DNAI7: variants seen among roughly 807,000 people sequenced by gnomAD.
The protein encoded by DNAI7 is cancer susceptibility 1.
DNAI7 carries 78 observed loss-of-function variants against 86.6 expected under a neutral mutation model. The ratio of observed to expected loss-of-function variants is 0.90; its 90% CI spans 0.75 to 1.09. The LOEUF is 1.09. DNAI7 is among the 50% of genes least tolerant of loss of function. The probability of loss-of-function intolerance (pLI) is 0.00; values close to 1 mark genes in which losing one functional copy is unlikely to be tolerated. For synonymous variants in DNAI7, 274 were observed against 273.0 expected (o/e 1.00, Z -0.04); for missense variants, 753 against 810.2 (o/e 0.93, Z 0.86).
intron 2 of DNAI7, among the ~76,000 whole-genome samples, chr12:25,180,773 T>C (rs1949421177): frequency 6.6e-6 from 1 of 152,028 alleles, no homozygotes; most frequent in African/African-American, 2.4e-5. Flanking sequence ...TTAACATATA[T>C]AAAAATTAAC....
At chr12:25,142,323 C>A (rs560436592) in intron 9 of DNAI7, among the ~76,000 whole-genome samples, 1 of 149,996 alleles carries the variant, frequency 6.7e-6, no homozygotes, top group Admixed American at 6.6e-5. Context: ...AAGAATGATA[C>A]AATGGACTTT....
rs139091071 is a variant in DNAI7, at chr12:25,116,786, T to C, written c.1397-1916A>G. Among the ~76,000 whole-genome samples, 19 of 152,066 alleles carry C rather than the reference T, an allele frequency of 1.2e-4. No individual in the cohort carries two copies. The East Asian group carries it at 3.7e-3, about 30-fold the overall frequency. On this transcript the variant is annotated intron_variant, in intron 12 of 15. Transcript: ENST00000395987. ...CTAGGATTACAAACATGAGCTACCA[T>C]GCCCAGCTGTGTTAATAATTTTTAA...
intron 9 of DNAI7, among the ~76,000 whole-genome samples, chr12:25,128,920 C>G (rs1349822148): frequency 6.6e-6 from 1 of 152,178 alleles, no homozygotes; most frequent in South Asian, 2.1e-4. Context: ...TTACCACCCT[C>G]TAATGGCTCC....
intron 9 of DNAI7, among the ~76,000 whole-genome samples, chr12:25,135,352 T>C (rs950637589): frequency 2.6e-5 from 4 of 152,130 alleles, no homozygotes; most frequent in Non-Finnish European, 4.4e-5. Context: ...TTTCTGACTT[T>C]TATCTCACAG....
intron 9 of DNAI7, among the ~76,000 whole-genome samples, chr12:25,131,316 A>G (rs1942897115): frequency 6.6e-6 from 1 of 152,230 alleles, no homozygotes; most frequent in South Asian, 2.1e-4. Flanking sequence ...TAAAACATTT[A>G]GAATACATTT....
At chr12:25,123,569 TA>T (rs1444388357) in intron 9 of DNAI7, among the ~76,000 whole-genome samples, 2 of 152,184 alleles carry the variant, frequency 1.3e-5, no homozygotes, top group African/African-American at 2.4e-5. Context: ...ATGCAAGCTA[TA>T]AAAAATATTA....
intron 12 of DNAI7, 30 bp from the exon 13 acceptor site, chr12:25,114,900 G>T: frequency 6.7e-7 from 1 of 1,503,010 alleles, no homozygotes; most frequent in Non-Finnish European, 9.2e-7. Context: ...AGTGACACTA[G>T]TTTCATTTTT....
intron 6 of DNAI7, among the ~76,000 whole-genome samples, chr12:25,151,008 G>T (rs1945477306): frequency 6.6e-6 from 1 of 152,204 alleles, no homozygotes; most frequent in African/African-American, 2.4e-5. Flanking sequence ...TACAGATAAT[G>T]AAACTGAGGC....
intron 2 of DNAI7, among the ~76,000 whole-genome samples, chr12:25,186,698 A>AGAAT (rs559213348): frequency 6.2e-4 from 94 of 152,338 alleles, no homozygotes; most frequent in African/African-American, 2.1e-3. Flanking sequence ...AAAGAATCAC[A>AGAAT]GAATGGGAGT....
At chr12:25,108,102 CAGTATCTGAACTTCGTAAATT>C (rs760313982), downstream of DNAI7, 1 of 1,595,094 alleles carries the variant, frequency 6.3e-7, no homozygotes, top group East Asian at 2.2e-5. Context: ...TTTTAAGTTT[CAGTATCTGAACTTCGTAAATT>C]AGTAACTTTT....
At position 25,174,640 on chromosome 12, in the gene DNAI7, A is replaced by G; in HGVS notation, c.22-13443T>C. The stretch of plus-strand genomic sequence containing the variant: ...CATATATATGGGATATATATCATAT[A>G]TATGGAATATAGATATCATATATAT... On this transcript the variant is annotated intron_variant, in intron 2 of 15. Transcript: ENST00000395987. Among the ~76,000 whole-genome samples the G allele has an allele frequency of 1.5e-5, 2 of 134,880 alleles. 1 individual carries two copies. The highest frequency in any genetic ancestry group is 3.1e-5 in the Non-Finnish European group (2 of 64,772). 88.5% of individuals were successfully genotyped at this position (134,880 alleles called of 152,430 possible).
chr12:25,182,273 G>C (rs1949579923), intron 2 of DNAI7, among the ~76,000 whole-genome samples: 1 of 150,948 alleles, frequency 6.6e-6, no homozygotes, highest in East Asian at 1.9e-4. Flanking sequence ...CTTGAACCTG[G>C]GGGGCGGAGG....
intron 9 of DNAI7, among the ~76,000 whole-genome samples, chr12:25,143,009 T>C (rs1215652053): frequency 6.6e-6 from 1 of 151,792 alleles, no homozygotes; most frequent in African/African-American, 2.4e-5. Context: ...ACATGAAATT[T>C]TTATTTTAAA....
chr12:25,160,245 C>T (rs1465706073), intron 3 of DNAI7, among the ~76,000 whole-genome samples: 1 of 152,130 alleles, frequency 6.6e-6, no homozygotes, highest in Non-Finnish European at 1.5e-5. Flanking sequence ...CAGATTAAAA[C>T]ATGGGATGCT....
intron 2 of DNAI7, among the ~76,000 whole-genome samples, chr12:25,162,293 A>T (rs921518020): frequency 1.3e-5 from 2 of 152,210 alleles, no homozygotes; most frequent in Non-Finnish European, 2.9e-5. Context: ...CAGAGGGAGA[A>T]TGGCAGTCCA....
At chr12:25,128,120 T>A (rs925766857) in intron 9 of DNAI7, among the ~76,000 whole-genome samples, 7 of 152,340 alleles carry the variant, frequency 4.6e-5, no homozygotes, top group African/African-American at 1.2e-4. Context: ...ATGATCTTGA[T>A]AATATCTGCA....
chr12:25,121,981 A>T (rs1941372590), intron 10 of DNAI7, 68 bp from the exon 11 acceptor site: 2 of 1,098,892 alleles, frequency 1.8e-6, no homozygotes, highest in Admixed American at 2.7e-5. Flanking sequence ...AAAGAAATTT[A>T]AAAATTCTCA....
At chr12:25,175,155 C>A (rs55750852) in intron 2 of DNAI7, among the ~76,000 whole-genome samples, 17,471 of 152,022 alleles carry the variant, frequency 0.11, 1,352 homozygotes, top group Admixed American at 0.16. Flanking sequence ...ACTCTAAGCA[C>A]TGTCCAGAAT....
chr12:25,144,326 G>T, intron 9 of DNAI7, 39 bp downstream of exon 9: 3 of 1,496,108 alleles, frequency 2.0e-6, no homozygotes, highest in Non-Finnish European at 2.8e-6. Flanking sequence ...AACGCATGCT[G>T]CATGAATAAA....
Sources: gnomAD v4.1 joint callset for allele counts (sites outside exome capture counted in the v4.1 genomes callset) on GRCh38, gnomAD v4.1.1 for gene constraint, MANE v1.5 for transcripts, NCBI Gene and HGNC (gene_info 2026-07-23, HGNC 2026-07-21) for gene names.